Variants in MBD3 observed in about 807,000 individuals in gnomAD.
MBD3 encodes methyl-CpG-binding domain protein 3.
In MBD3, 13 loss-of-function variants were observed where a neutral mutation model predicts 31.2. The ratio of observed to expected loss-of-function variants is 0.42; its 90% CI spans 0.27 to 0.66. The LOEUF is 0.66. Ranked by LOEUF, MBD3 falls within the 30% of genes least tolerant of loss-of-function variation. The pLI, the probability that MBD3 is intolerant of heterozygous loss-of-function variation, is 0.26. For synonymous variants in MBD3, 223 were observed against 187.4 expected, an observed-to-expected ratio of 1.19 and a Z score of -1.55; for missense variants, 440 against 426.5, an observed-to-expected ratio of 1.03 and a Z score of -0.28.
intron 1 of MBD3, among the ~76,000 whole-genome samples, chr19:1,587,226 A>G (rs2060683588): frequency 6.6e-6 from 1 of 151,836 alleles, no homozygotes; most frequent in Admixed American, 6.6e-5. Flanking sequence ...TGGCCTCCCA[A>G]AGTGCTGGGA....
chr19:1,584,869 G>T (rs2060670648), intron 2 of MBD3, 186 bp downstream of exon 2: 1 of 1,021,796 alleles, frequency 9.8e-7, no homozygotes, highest in Non-Finnish European at 1.4e-6. Context: ...CCCGCCGCGG[G>T]CCGCGTCCTC....
chr19:1,580,021 G>A (rs531974887), intron 5 of MBD3, among the ~76,000 whole-genome samples: 59 of 152,372 alleles, frequency 3.9e-4, no homozygotes, highest in Non-Finnish European at 6.2e-4. Context: ...GCCTCCCAAA[G>A]TGCTGGGATT....
intron 1 of MBD3, 99 bp downstream of exon 1, chr19:1,592,423 G>A (rs1328675584): frequency 1.2e-5 from 4 of 337,018 alleles, no homozygotes; most frequent in African/African-American, 2.3e-5. Flanking sequence ...ACGCACGCGC[G>A]GGGCCCAGGC....
chr19:1,589,470 T>A (rs1419783848), intron 1 of MBD3, among the ~76,000 whole-genome samples: 4 of 150,714 alleles, frequency 2.7e-5, no homozygotes, highest in African/African-American at 9.8e-5. Context: ...CTGGCCAACA[T>A]GGTGAAACCC....
intron 3 of MBD3, 71 bp from the exon 4 acceptor site, chr19:1,582,783 C>T: frequency 7.2e-7 from 1 of 1,393,800 alleles, no homozygotes; most frequent in Non-Finnish European, 1.0e-6. Context: ...TTGCTGGGCT[C>T]CAGGGAGGCC....
At chr19:1,582,758 C>T (rs1462345123) in intron 3 of MBD3, 46 bp from the exon 4 acceptor site, 2 of 1,539,876 alleles carry the variant, frequency 1.3e-6, no homozygotes, top group South Asian at 1.2e-5. Flanking sequence ...CCTGCCCTCT[C>T]CCCACTCCAG....
At chr19:1,581,699 G>A (rs755866739) in intron 4 of MBD3, 19 of 307,416 alleles carry the variant, frequency 6.2e-5, no homozygotes, top group African/African-American at 1.8e-4. Context: ...GAGTAGTAAC[G>A]GCGCCACTGT....
chr19:1,584,920 C>G (rs1411177757), intron 2 of MBD3, 135 bp downstream of exon 2: 2 of 1,318,048 alleles, frequency 1.5e-6, no homozygotes, highest in Non-Finnish European at 2.1e-6. Flanking sequence ...CCTGCGCCTT[C>G]CGCTCTGTGC....
At chr19:1,580,833 C>T (rs1917335064) in intron 5 of MBD3, among the ~76,000 whole-genome samples, 1 of 152,246 alleles carries the variant, frequency 6.6e-6, no homozygotes, top group African/African-American at 2.4e-5. Context: ...CCAGCATAGC[C>T]AGTCCTCACG....
At chr19:1,579,763 CT>C (rs1296998283) in intron 5 of MBD3, among the ~76,000 whole-genome samples, 2 of 152,142 alleles carry the variant, frequency 1.3e-5, no homozygotes. Context: ...TTTCAATGCC[CT>C]TTTCTATTTC....
At chr19:1,588,833 C>A (rs1174016527) in intron 1 of MBD3, among the ~76,000 whole-genome samples, 1 of 149,708 alleles carries the variant, frequency 6.7e-6, no homozygotes, top group East Asian at 2.0e-4. Flanking sequence ...ACACACAGAC[C>A]ACAGCCTGGT....
At position 1,581,242 on chromosome 19, in the gene MBD3, G is replaced by T; in HGVS notation, c.527C>A (p.Thr176Lys). ...GGCGCTGGCGATGGCCGACAGCAGC[G>T]TCTCATCCGTGCAGCCAGGTCCCAC... ...QGVGPGCTDE[T>K]LLSAIASALH... The change falls in exon 5 of 7, where the codon ACG becomes AAG. Residue 176 changes from threonine to lysine, a missense_variant. By Grantham distance (78) the Thr-to-Lys change is moderately conservative (BLOSUM62 -1). This residue lies in a region of MBD3 where 144 missense variants were observed against 196.9 expected (regional missense o/e 0.73). Transcript: ENST00000434436. 1 of 1,611,014 alleles carries T rather than the reference G, an allele frequency of 6.2e-7. No homozygotes were observed. The highest frequency in any genetic ancestry group is 8.5e-7 in the Non-Finnish European group (1 of 1,179,974).
In MBD3 at chr19:1,591,523, A is replaced by G. The variant is rs72618597; in HGVS notation, c.110+999T>C. On this transcript the variant is annotated intron_variant, in intron 1 of 6. Coordinates refer to ENST00000434436, the MANE Select transcript of MBD3 (RefSeq NM_001281453.2). Reference sequence around the variant, plus strand: ...GGGCGGTCTCCTGCCCACGACCCCGAGCTGTGGGAAAAAGGGGGACCAGCC... The same window carrying G: ...GGGCGGTCTCCTGCCCACGACCCCGGGCTGTGGGAAAAAGGGGGACCAGCC... 0.034 allele frequency among the ~76,000 whole-genome samples: 5,214 copies of G among 152,124 alleles called. 443 individuals carry two copies. In the East Asian group the frequency reaches 0.36, roughly 10 times the overall value.
chr19:1,578,144 C>G lies in MBD3; in HGVS notation c.*20G>C. 1 of 863,624 alleles carries G rather than the reference C, an allele frequency of 1.2e-6. No individual in the cohort carries two copies. The allele number at this position is 863,624 out of a possible 1,614,324, so 53.5% of individuals were successfully genotyped here. Reference sequence around the variant, plus strand: ...AGGCGGCTCCAGCAGGCAGCACGGGCTCTCGGCAGGGCCTCTGGAAAGGAC... The same window carrying G: ...AGGCGGCTCCAGCAGGCAGCACGGGGTCTCGGCAGGGCCTCTGGAAAGGAC... On this transcript the variant is annotated 3_prime_UTR_variant, in exon 7 of 7. Coordinates refer to ENST00000434436, the MANE Select transcript of MBD3 (RefSeq NM_001281453.2). The surrounding 1 kb of genome is among the most constrained non-coding windows in gnomAD (Gnocchi z 6.1).
chr19:1,589,722 A>G (rs1162914370), intron 1 of MBD3, among the ~76,000 whole-genome samples: 1 of 152,168 alleles, frequency 6.6e-6, no homozygotes. Context: ...AGTCCCAGCT[A>G]TGCTGGAGGC....
Position 1,578,993 on chromosome 19 carries a change from G to A in MBD3, c.678-455C>T, listed in dbSNP as rs568920811. 3.3e-5 allele frequency among the ~76,000 whole-genome samples: 5 copies of A among 152,108 alleles called. No individual in the cohort carries two copies. Among genetic ancestry groups the A allele is most frequent in the Admixed American group, 2.6e-4 (4 of 15,258 alleles). ...GAGGTCAGGCGTTCGAGACCAGCCT[G>A]ACCAACATGACGAAACCCCATCTCT... On this transcript the variant is annotated intron_variant, in intron 5 of 6. Coordinates refer to ENST00000434436, the MANE Select transcript of MBD3 (RefSeq NM_001281453.2). This position sits in a 1 kb window ranked among gnomAD's most constrained non-coding sequence, Gnocchi z 6.1.
In MBD3 at chr19:1,583,072, C is replaced by T. The variant is rs533860711; in HGVS notation, c.409-360G>A. Among the ~76,000 whole-genome samples, 6 of 151,992 alleles carry T rather than the reference C, an allele frequency of 3.9e-5. 1 individual carries two copies. The highest frequency in any genetic ancestry group is 2.6e-4 in the Admixed American group (4 of 15,254). On this transcript the variant is annotated intron_variant, in intron 3 of 6. Coordinates refer to ENST00000434436, the MANE Select transcript of MBD3 (RefSeq NM_001281453.2). ...TACAAAAAAAAGTCCGGTGTGGTGA[C>T]GGGCGCCTGTAATCCCAGCTACTTG... is the stretch of plus-strand genomic sequence containing the variant.
Position 1,575,304 on chromosome 19 carries a change from G to A in MBD3, c.*2860C>T, listed in dbSNP as rs943987572. The A allele has an allele frequency of 1.1e-5, 5 of 442,920 alleles. No individual in the cohort carries two copies. The highest frequency in any genetic ancestry group is 2.4e-5 in the Admixed American group (1 of 42,184). The allele number at this position is 442,920 out of a possible 1,614,324, so 27.4% of individuals were successfully genotyped here. On this transcript the variant is annotated 3_prime_UTR_variant, in exon 7 of 7. Transcript: ENST00000434436. Reference sequence around the variant, plus strand: ...AATTAGCTGGGCGTGGTGGCTACTCGGGAGGCTGAGGCTTGAACCCAGAAG... The same window carrying A: ...AATTAGCTGGGCGTGGTGGCTACTCAGGAGGCTGAGGCTTGAACCCAGAAG...
In MBD3 at chr19:1,585,529, T is replaced by C. The variant is rs1024830637; in HGVS notation, c.111-315A>G. 1 of 394,454 alleles carries C rather than the reference T, an allele frequency of 2.5e-6. No individual in the cohort carries two copies. The highest frequency in any genetic ancestry group is 2.1e-5 in the African/African-American group (1 of 47,974). 24.4% of individuals were successfully genotyped at this position (394,454 alleles called of 1,614,324 possible). A position where few individuals can be genotyped will look rare whatever the true frequency, so the allele number is the denominator to read the frequency against. On this transcript the variant is annotated intron_variant, in intron 1 of 6. Coordinates refer to ENST00000434436, the MANE Select transcript of MBD3 (RefSeq NM_001281453.2). This position sits in a 1 kb window ranked among gnomAD's most constrained non-coding sequence, Gnocchi z 4.1. ...TAGCCCCAGCCTCCACATCGGATCCTTGCTCCAGACCCCCAACCCCGGTCC... is the reference window on the plus strand; with the variant it reads ...TAGCCCCAGCCTCCACATCGGATCCCTGCTCCAGACCCCCAACCCCGGTCC...
Sources: gnomAD v4.1 joint callset for allele counts (sites outside exome capture counted in the v4.1 genomes callset) on GRCh38, gnomAD v4.1.1 for gene constraint, gnomAD v4.1.1 regional missense constraint, Gnocchi (gnomAD v3.1) non-coding constraint, MANE v1.5 for transcripts, NCBI Gene and HGNC (gene_info 2026-07-23, HGNC 2026-07-21) for gene names.